GPC5: variants seen among roughly 807,000 people sequenced by gnomAD.
GPC5 encodes the protein glypican-5.
GPC5 carries 47 observed loss-of-function variants against 53.9 expected under a neutral mutation model. The observed-to-expected ratio is 0.87, with a 90% CI of 0.69 to 1.11. The LOEUF (loss-of-function observed/expected upper bound fraction) is 1.11. GPC5 is among the 50% of genes most tolerant of loss of function. GPC5 has a pLI of 0.00. For missense variants in GPC5, 748 were observed against 713.1 expected (o/e 1.05, Z -0.56); for synonymous variants, 286 against 263.3 (o/e 1.09, Z -0.84).
At chr13:92,853,384 A>G (rs1469295519) in intron 7 of GPC5, among the ~76,000 whole-genome samples, 3 of 152,180 alleles carry the variant, frequency 2.0e-5, no homozygotes, top group Non-Finnish European at 4.4e-5. Flanking sequence ...CCTAATTTAC[A>G]AATTAAACCA....
At chr13:91,977,038 C>CAATAAATA (rs138005450) in intron 6 of GPC5, among the ~76,000 whole-genome samples, 23 of 141,800 alleles carry the variant, frequency 1.6e-4, no homozygotes, top group Non-Finnish European at 2.3e-4. Flanking sequence ...GATTCTGTCT[C>CAATAAATA]AATAAATAAA....
chr13:92,371,893 A>G (rs993105122), intron 7 of GPC5, among the ~76,000 whole-genome samples: 1 of 152,204 alleles, frequency 6.6e-6, no homozygotes, highest in African/African-American at 2.4e-5. Flanking sequence ...GCAGGGTCTC[A>G]AAGAATAAGA....
intron 7 of GPC5, among the ~76,000 whole-genome samples, chr13:92,461,349 A>T (rs1361496323): frequency 6.6e-6 from 1 of 152,222 alleles, no homozygotes; most frequent in Non-Finnish European, 1.5e-5. Context: ...TCCTGCTCTC[A>T]TGGAGCTTTT....
intron 7 of GPC5, among the ~76,000 whole-genome samples, chr13:92,432,864 G>A (rs991123976): frequency 6.6e-6 from 1 of 152,000 alleles, no homozygotes; most frequent in Non-Finnish European, 1.5e-5. Context: ...TTTTGTATGT[G>A]TAGGACTTAG....
intron 7 of GPC5, among the ~76,000 whole-genome samples, chr13:92,423,216 C>A (rs1876661684): frequency 6.6e-6 from 1 of 152,184 alleles, no homozygotes; most frequent in Non-Finnish European, 1.5e-5. Flanking sequence ...CAAATGCCAT[C>A]ACGCTGAAGA....
chr13:92,740,960 G>GTGTATATATATATATATATATATA (rs35795926), intron 7 of GPC5, among the ~76,000 whole-genome samples: 41 of 117,698 alleles, frequency 3.5e-4, no homozygotes, highest in African/African-American at 1.3e-3. Context: ...ATATGTATGT[G>GTGTATATATATATATATATATATA]TATATATATA....
intron 7 of GPC5, among the ~76,000 whole-genome samples, chr13:92,493,195 C>A (rs2149062): frequency 0.83 from 126,727 of 152,200 alleles, 52,858 homozygotes; most frequent in East Asian, 0.94. Flanking sequence ...CATATATTGA[C>A]ATGTACACAT....
chr13:91,847,744 T>C (rs903251549), intron 5 of GPC5, among the ~76,000 whole-genome samples: 2 of 152,234 alleles, frequency 1.3e-5, no homozygotes, highest in African/African-American at 2.4e-5. Context: ...CTTGGTTGTA[T>C]AATCAGAAAT....
intron 5 of GPC5, among the ~76,000 whole-genome samples, chr13:91,835,563 G>C (rs1243514424): frequency 6.6e-6 from 1 of 152,050 alleles, no homozygotes; most frequent in Admixed American, 6.6e-5. Flanking sequence ...CTATTAAAAG[G>C]ATAAGTTCAT....
intron 7 of GPC5, among the ~76,000 whole-genome samples, chr13:92,767,896 A>G (rs536794746): frequency 6.6e-6 from 1 of 152,262 alleles, no homozygotes; most frequent in East Asian, 1.9e-4. Context: ...CATCACTACA[A>G]GTTAGATTTG....
chr13:91,749,805 G>C (rs2037130487), intron 4 of GPC5, among the ~76,000 whole-genome samples: 1 of 152,126 alleles, frequency 6.6e-6, no homozygotes, highest in Non-Finnish European at 1.5e-5. Context: ...TATTTTAAAA[G>C]TAGGGAAGTG....
chr13:92,197,554 G>A (rs985239211), intron 7 of GPC5, among the ~76,000 whole-genome samples: 1 of 152,046 alleles, frequency 6.6e-6, no homozygotes, highest in Non-Finnish European at 1.5e-5. Flanking sequence ...ATGGAGTGTG[G>A]TGGTACAACC....
chr13:92,576,170 C>T (rs563359626), intron 7 of GPC5, among the ~76,000 whole-genome samples: 1 of 152,260 alleles, frequency 6.6e-6, no homozygotes, highest in South Asian at 2.1e-4. Flanking sequence ...CTCTTCATAA[C>T]ATTAGTTTTT....
chr13:92,793,296 A>C (rs1235969561), intron 7 of GPC5, among the ~76,000 whole-genome samples: 1 of 152,204 alleles, frequency 6.6e-6, no homozygotes, highest in Non-Finnish European at 1.5e-5. Context: ...CTGGGTACAT[A>C]ACGAAATGAA....
At chr13:92,458,239 G>A (rs1426768374) in intron 7 of GPC5, among the ~76,000 whole-genome samples, 4 of 132,494 alleles carry the variant, frequency 3.0e-5, no homozygotes, top group Non-Finnish European at 4.6e-5. Context: ...AATGTTCATT[G>A]TACTTATTTA....
intron 7 of GPC5, among the ~76,000 whole-genome samples, chr13:92,748,036 G>A (rs1889281701): frequency 6.6e-6 from 1 of 152,062 alleles, no homozygotes; most frequent in Admixed American, 6.6e-5. Flanking sequence ...GAGGTAGTCT[G>A]TGAATTATAT....
chr13:91,763,936 A>C (rs953962472), intron 5 of GPC5, among the ~76,000 whole-genome samples: 1 of 152,228 alleles, frequency 6.6e-6, no homozygotes, highest in Non-Finnish European at 1.5e-5. Context: ...TGTTTACTTT[A>C]AATCATCTCT....
chr13:92,174,888 AGCCCAG>A (rs1259994897), intron 7 of GPC5, among the ~76,000 whole-genome samples: 2 of 152,174 alleles, frequency 1.3e-5, no homozygotes, highest in East Asian at 3.9e-4. Context: ...TCGCTCTTAT[AGCCCAG>A]GCTGGAGTGC....
intron 2 of GPC5, among the ~76,000 whole-genome samples, chr13:91,556,397 G>T (rs898530244): frequency 7.9e-5 from 12 of 151,838 alleles, no homozygotes; most frequent in Admixed American, 2.0e-4. Context: ...CAGAGGAAAA[G>T]AAGTCATTAT....
Sources: allele counts gnomAD v4.1 joint callset (sites outside exome capture counted in the v4.1 genomes callset), GRCh38; gene constraint gnomAD v4.1.1; transcripts MANE v1.5; gene names NCBI Gene and HGNC (gene_info 2026-07-23, HGNC 2026-07-21).